MYH1: variants seen among roughly 807,000 people sequenced by gnomAD.
MYH1 encodes myosin heavy chain 1.
A neutral mutation model predicts 225.6 loss-of-function variants in MYH1; 214 were observed. The observed-to-expected ratio is 0.95, with a 90% confidence interval of 0.85 to 1.06. MYH1 has a LOEUF of 1.06. Among genes scored for constraint, MYH1 ranks in the 50% least tolerant of loss-of-function variants. The probability of loss-of-function intolerance (pLI) is 0.00; values close to 1 mark genes in which losing one functional copy is unlikely to be tolerated. For synonymous variants in MYH1, 774 were observed against 842.3 expected (o/e 0.92, Z 1.40); for missense variants, 2,098 against 2,344.2 (o/e 0.89, Z 2.17).
intron 30 of MYH1, 121 bp downstream of exon 30, chr17:10,498,505 C>G: frequency 7.2e-7 from 1 of 1,388,680 alleles, no homozygotes; most frequent in Non-Finnish European, 9.9e-7. Context: ...AAGGCATCTA[C>G]CAAAACATTA....
rs867556443 is a variant in MYH1 at position 10,500,846 on chromosome 17, C to T, written c.3739-94G>A. ...AACATTCCATATGAGCTGCAGTACT[C>T]ATTTATTTTGAGAAGAAACTATCTT... is the stretch of plus-strand genomic sequence containing the variant. On this transcript the variant is annotated intron_variant, in intron 27 of 39. Transcript: ENST00000226207. The T allele has an allele frequency of 1.0e-4, 159 of 1,539,202 alleles. No individual in the cohort carries two copies. The Middle Eastern group carries it at 1.6e-3, about 15-fold the overall frequency.
At chr17:10,495,378 T>C in intron 35 of MYH1, 61 bp from the exon 36 acceptor site, 3 of 1,578,508 alleles carry the variant, frequency 1.9e-6, no homozygotes, top group Non-Finnish European at 2.6e-6. Flanking sequence ...GGAAACCTCA[T>C]GTTCTAATGA....
At position 10,509,582 on chromosome 17, in the gene MYH1, A is replaced by G. The variant is rs1322810334; in HGVS notation, c.1490T>C (p.Phe497Ser). Residue 497 changes from phenylalanine to serine, a missense_variant, in exon 15 of 40, where the codon TTC (phenylalanine) becomes TCC (serine). Physicochemically the swap from Phe to Ser is radical, Grantham distance 155. Transcript: ENST00000226207. ...CTTGTACTCCTCCTGCTCCAGCACG[A>G]ACATGTGGTGGTTGAAAAACTGTTG... ...KLQQFFNHHM[F>S]VLEQEEYKKE... 2 of 1,614,206 alleles carry G rather than the reference A, an allele frequency of 1.2e-6. No individual in the cohort carries two copies. Among genetic ancestry groups the G allele is most frequent in the South Asian group, 2.2e-5 (2 of 91,080 alleles).
rs777703549 is a variant in MYH1, at chr17:10,511,968, A to G, written c.1287T>C (p.Ala429=). ...TCTTATCGTAGACAGCTTTGGCCAGAGCACCCACTGCATTGTACACCTTCA... is the reference window on the plus strand; with the variant it reads ...TCTTATCGTAGACAGCTTTGGCCAGGGCACCCACTGCATTGTACACCTTCA... ...TVQQVYNAVG[A]LAKAVYDKMF... The change falls in exon 14 of 40, where the codon GCT becomes GCC. Residue 429 remains alanine (A), a synonymous_variant. Coordinates refer to ENST00000226207, the MANE Select transcript of MYH1 (RefSeq NM_005963.4). 1.2e-6 allele frequency: 2 copies of G among 1,614,184 alleles called. No individual in the cohort carries two copies. The highest frequency in any genetic ancestry group is 1.7e-6 in the Non-Finnish European group (2 of 1,180,030).
At chr17:10,508,302 G>T in intron 16 of MYH1, 61 bp downstream of exon 16, 7 of 1,511,750 alleles carry the variant, frequency 4.6e-6, no homozygotes, top group Non-Finnish European at 5.3e-6. Flanking sequence ...TACAGGCACC[G>T]TGTCTGGCCT....
At position 10,516,081 on chromosome 17, in the gene MYH1, G is replaced by C. The variant is rs765274101; in HGVS notation, c.350C>G (p.Thr117Ser). Residue 117 changes from threonine to serine, a missense_variant and splice_region_variant, in exon 5 of 40, where the codon ACC becomes AGC. By Grantham distance (58) the Thr-to-Ser change is moderately conservative (BLOSUM62 1). Coordinates refer to ENST00000226207, the MANE Select transcript of MYH1 (RefSeq NM_005963.4). The part of the protein sequence containing the change: ...KERYAAWMIY[T>S]YSGLFCVTVN... ...AGTGACACAGAACAAGCCTGAGTAG[G>C]TCTGCACCCAAAACAAAAGGGAGGA... 3 of 1,614,018 alleles carry C rather than the reference G, an allele frequency of 1.9e-6. No homozygotes were observed. Among genetic ancestry groups the C allele is most frequent in the Non-Finnish European group, 2.5e-6 (3 of 1,179,928 alleles).
chr17:10,514,619 G>A (rs2073206833), intron 6 of MYH1, among the ~76,000 whole-genome samples: 1 of 152,128 alleles, frequency 6.6e-6, no homozygotes, highest in African/African-American at 2.4e-5. Flanking sequence ...TTCCAGCCCA[G>A]CTCATTTTAC....
intron 22 of MYH1, 26 bp from the exon 23 acceptor site, chr17:10,503,274 G>T (rs776945645): frequency 5.6e-6 from 9 of 1,601,252 alleles, no homozygotes; most frequent in Non-Finnish European, 8.5e-7. Context: ...AGATATTTTA[G>T]ATTTTATGAA....
chr17:10,492,582 T>G lies in MYH1; in HGVS notation c.5668-14A>C. On this transcript the variant is annotated splice_polypyrimidine_tract_variant and intron_variant, in intron 39 of 39. Transcript: ENST00000226207. ...GGATTGTTCCTCCTGTGAATGGAAA[T>G]CCATTTATGAGGGAAGAAAGTTCAG... 1.9e-6 allele frequency: 3 copies of G among 1,603,186 alleles called. No individual in the cohort carries two copies. In the South Asian group the frequency reaches 3.4e-5, roughly 18 times the overall value.
chr17:10,509,363 G>T, intron 15 of MYH1, 122 bp downstream of exon 15: 8 of 1,487,160 alleles, frequency 5.4e-6, no homozygotes, highest in Non-Finnish European at 6.4e-6. Context: ...GGCAAAATAA[G>T]GAATTCTCCT....
rs2142267351 is a variant in MYH1, at chr17:10,505,150, T to C, written c.2435+13A>G. ...TAAGATGATGAGGTTAAGTAAAGAATTCTTATTAATACCTTCTTTCCACCA... is the reference window on the plus strand; with the variant it reads ...TAAGATGATGAGGTTAAGTAAAGAACTCTTATTAATACCTTCTTTCCACCA... On this transcript the variant is annotated intron_variant, in intron 21 of 39. Transcript: ENST00000226207. 1 of 1,613,912 alleles carries C rather than the reference T, an allele frequency of 6.2e-7. No individual in the cohort carries two copies. Among genetic ancestry groups the C allele is most frequent in the South Asian group, 1.1e-5 (1 of 91,020 alleles).
At chr17:10,512,834 T>A in intron 10 of MYH1, 33 bp downstream of exon 10, 1 of 1,599,716 alleles carries the variant, frequency 6.3e-7, no homozygotes, top group East Asian at 2.2e-5. Context: ...GATAGTACAG[T>A]GACAATCTTC....
At chr17:10,501,543 G>T in intron 26 of MYH1, 44 bp from the exon 27 acceptor site, 1 of 1,614,198 alleles carries the variant, frequency 6.2e-7, no homozygotes, top group South Asian at 1.1e-5. Flanking sequence ...ACTTCTTGGT[G>T]TCAGTAACTT....
chr17:10,509,889 G>T (rs921728566), intron 14 of MYH1, among the ~76,000 whole-genome samples: 2 of 152,114 alleles, frequency 1.3e-5, no homozygotes, highest in African/African-American at 4.8e-5. Context: ...AAGTTGTTTG[G>T]AGCTGGAGGC....
Position 10,497,459 on chromosome 17 carries a change from G to T in MYH1, c.4366-7C>A. The stretch of plus-strand genomic sequence containing the variant: ...GTTTCCATTCTGCCAGGATCTGAAG[G>T]TCAAGGAATGGACAAGAAATTTAGT... On this transcript the variant is annotated splice_polypyrimidine_tract_variant and splice_region_variant and intron_variant, in intron 31 of 39. Transcript: ENST00000226207. 6.3e-7 allele frequency: 1 copy of T among 1,595,658 alleles called. No homozygotes were observed. The highest frequency in any genetic ancestry group is 8.5e-7 in the Non-Finnish European group (1 of 1,175,852).
Position 10,506,109 on chromosome 17 carries a change from C to T in MYH1, c.1969-10G>A, listed in dbSNP as rs2073110105. ...GCTTATTCAAATTCTCCTGTGGAACCATGCGAGTTTATACTTTAAAAAATG... is the reference window on the plus strand; with the variant it reads ...GCTTATTCAAATTCTCCTGTGGAACTATGCGAGTTTATACTTTAAAAAATG... On this transcript the variant is annotated splice_polypyrimidine_tract_variant and intron_variant, in intron 17 of 39. Coordinates refer to ENST00000226207, the MANE Select transcript of MYH1 (RefSeq NM_005963.4). 15 of 1,614,170 alleles carry T rather than the reference C, an allele frequency of 9.3e-6. No individual in the cohort carries two copies. The highest frequency in any genetic ancestry group is 1.7e-5 in the Admixed American group (1 of 60,026).
In MYH1 at chr17:10,516,065, G is replaced by A. The variant is rs1212875144; in HGVS notation, c.366C>T (p.Phe122=). The A allele has an allele frequency of 1.2e-6, 2 of 1,614,054 alleles. No homozygotes were observed. The highest frequency in any genetic ancestry group is 1.7e-6 in the Non-Finnish European group (2 of 1,179,950). ...ACTTGTAGGGGTTGACAGTGACACA[G>A]AACAAGCCTGAGTAGGTCTGCACCC... is the stretch of plus-strand genomic sequence containing the variant. ...AWMIYTYSGL[F]CVTVNPYKWL... is the part of the protein sequence containing the mutation. The change falls in exon 5 of 40, where the codon TTC becomes TTT. Residue 122 remains phenylalanine, a synonymous_variant. Coordinates refer to ENST00000226207, the MANE Select transcript of MYH1 (RefSeq NM_005963.4).
chr17:10,509,491 G>T lies in MYH1; in HGVS notation c.1581C>A (p.Ile527=). Residue 527 remains isoleucine, a synonymous_variant, in exon 15 of 40, where the codon ATC becomes ATA. Coordinates refer to ENST00000226207, the MANE Select transcript of MYH1 (RefSeq NM_005963.4). Reference sequence around the variant, plus strand: ...CTGCAAAAAGCAAGCCAACCTTCTCGATGAGCTCGATGCAGGCAGCCAGGT... The same window carrying T: ...CTGCAAAAAGCAAGCCAACCTTCTCTATGAGCTCGATGCAGGCAGCCAGGT... ...GMDLAACIEL[I]EKPMGIFSIL... 6.2e-7 allele frequency: 1 copy of T among 1,614,056 alleles called. No individual in the cohort carries two copies. The highest frequency in any genetic ancestry group is 1.3e-5 in the African/African-American group (1 of 75,008).
chr17:10,497,251 T>A, intron 32 of MYH1, 36 bp downstream of exon 32: 1 of 1,590,608 alleles, frequency 6.3e-7, no homozygotes, highest in African/African-American at 1.4e-5. Context: ...TTCTTTCAAA[T>A]CTTTTATTGT....
Sources: allele counts gnomAD v4.1 joint callset (sites outside exome capture counted in the v4.1 genomes callset), GRCh38; gene constraint gnomAD v4.1.1; transcripts MANE v1.5; gene names NCBI Gene and HGNC (gene_info 2026-07-23, HGNC 2026-07-21).